HIPK2: variants seen among roughly 807,000 people sequenced by gnomAD.
The protein encoded by HIPK2 is homeodomain interacting protein kinase 2, also known as homeodomain-interacting protein kinase 2.
In HIPK2, 27 loss-of-function variants were observed where a neutral mutation model predicts 113.7. The observed-to-expected ratio is 0.24, with a 90% CI of 0.17 to 0.33. HIPK2 has a LOEUF of 0.33. HIPK2 is among the 10% of genes least tolerant of loss of function. The pLI is 1.00. For synonymous variants in HIPK2, 631 were observed against 642.2 expected, an observed-to-expected ratio of 0.98 and a Z score of 0.26; for missense variants, 1,257 against 1,588.0, an observed-to-expected ratio of 0.79 and a Z score of 3.54.
chr7:139,681,240 G>C (rs1040428172), intron 2 of HIPK2, among the ~76,000 whole-genome samples: 2 of 152,130 alleles, frequency 1.3e-5, no homozygotes, highest in African/African-American at 4.8e-5. Flanking sequence ...CCTGCTTTTA[G>C]CTTTTCATTC....
chr7:139,690,716 G>GCC (rs1272650098), intron 2 of HIPK2, among the ~76,000 whole-genome samples: 1 of 152,080 alleles, frequency 6.6e-6, no homozygotes, highest in Non-Finnish European at 1.5e-5. Context: ...GCACTCCCCT[G>GCC]CCCCCGCCTT....
chr7:139,756,734 T>C lies in HIPK2; in HGVS notation c.19+20871A>G, dbSNP rs1425559050. 2.6e-5 allele frequency among the ~76,000 whole-genome samples: 4 copies of C among 152,202 alleles called. No individual in the cohort carries two copies. In the East Asian group the frequency reaches 7.7e-4, roughly 29 times the overall value. ...GCCACCGCATCCAGTCAGACTTTATTTTTGTAGAGCAGTTTTAGTCTCACA... is the reference window on the plus strand; with the variant it reads ...GCCACCGCATCCAGTCAGACTTTATCTTTGTAGAGCAGTTTTAGTCTCACA... On this transcript the variant is annotated intron_variant, in intron 1 of 14. Transcript: ENST00000406875.
At chr7:139,639,898 G>GT (rs1198591764) in intron 2 of HIPK2, among the ~76,000 whole-genome samples, 8 of 152,218 alleles carry the variant, frequency 5.3e-5, no homozygotes, top group Middle Eastern at 3.4e-3. Flanking sequence ...AGTTTACATG[G>GT]TTTTTTGGGT....
intron 2 of HIPK2, among the ~76,000 whole-genome samples, chr7:139,682,409 T>C (rs900686185): frequency 6.6e-6 from 1 of 151,974 alleles, no homozygotes; most frequent in African/African-American, 2.4e-5. Context: ...CAATGAGGGG[T>C]TGGAATGAAG....
chr7:139,722,037 C>T (rs147829433), intron 1 of HIPK2: 232 of 472,672 alleles, frequency 4.9e-4, no homozygotes, highest in African/African-American at 4.2e-3. Context: ...CATAAACAGG[C>T]TGAAGTCATA....
At chr7:139,756,195 T>C (rs1047722665) in intron 1 of HIPK2, among the ~76,000 whole-genome samples, 2 of 152,212 alleles carry the variant, frequency 1.3e-5, no homozygotes, top group Non-Finnish European at 2.9e-5. Context: ...TCCAATATTG[T>C]CAATCTCAAA....
intron 13 of HIPK2, among the ~76,000 whole-genome samples, chr7:139,582,348 G>A (rs1209921723): frequency 2.6e-5 from 4 of 152,188 alleles, no homozygotes; most frequent in Non-Finnish European, 5.9e-5. Flanking sequence ...TTTTCCTGAA[G>A]GTAAGGTCTC....
intron 6 of HIPK2, among the ~76,000 whole-genome samples, chr7:139,626,165 C>A (rs1038342933): frequency 6.6e-6 from 1 of 151,090 alleles, no homozygotes; most frequent in Non-Finnish European, 1.5e-5. Flanking sequence ...TGCAATGGCG[C>A]GATCTCGGCT....
intron 13 of HIPK2, among the ~76,000 whole-genome samples, chr7:139,582,275 G>C (rs192840312): frequency 1.3e-5 from 2 of 152,248 alleles, no homozygotes; most frequent in Non-Finnish European, 2.9e-5. Context: ...CTAGCAGCAA[G>C]TACAGCCTGG....
At chr7:139,595,838 T>C (rs1354579438) in intron 12 of HIPK2, among the ~76,000 whole-genome samples, 5 of 152,248 alleles carry the variant, frequency 3.3e-5, no homozygotes, top group African/African-American at 1.2e-4. Flanking sequence ...GAATTAATAA[T>C]TCGAGCCTAA....
chr7:139,596,633 T>G, intron 12 of HIPK2, 84 bp downstream of exon 12: 1 of 1,531,414 alleles, frequency 6.5e-7, no homozygotes, highest in Non-Finnish European at 8.9e-7. Flanking sequence ...GATCCTTATG[T>G]TTGATGATGG....
At chr7:139,696,666 T>C (rs1794577193) in intron 2 of HIPK2, among the ~76,000 whole-genome samples, 1 of 151,848 alleles carries the variant, frequency 6.6e-6, no homozygotes, top group Non-Finnish European at 1.5e-5. Context: ...CAAACCCAGA[T>C]ACTTTTCACT....
At chr7:139,686,771 C>A (rs558802986) in intron 2 of HIPK2, among the ~76,000 whole-genome samples, 3 of 152,322 alleles carry the variant, frequency 2.0e-5, no homozygotes, top group South Asian at 2.1e-4. Context: ...CAGACTAATA[C>A]AATATTCCAT....
Position 139,600,518 on chromosome 7 carries a change from TG to T in HIPK2, c.2333del (p.Pro778GlnfsTer6), listed in dbSNP as rs1569450529. The T allele has an allele frequency of 6.2e-7, 1 of 1,614,050 alleles. No individual in the cohort carries two copies. Among genetic ancestry groups the T allele is most frequent in the Non-Finnish European group, 8.5e-7 (1 of 1,179,904 alleles). On this transcript the variant is annotated frameshift_variant, in exon 11 of 15. Coordinates refer to ENST00000406875, the MANE Select transcript of HIPK2 (RefSeq NM_022740.5). LOFTEE classifies it high-confidence loss of function. The part of the protein sequence containing the change: ...PALLTGHVTL[P>X]AAQPLNVGVA... Reference sequence around the variant, plus strand: ...CACCCACATTTAAGGGCTGTGCTGCTGGAAGGGTCACATGACCGGTCAATAG... The same window carrying T: ...CACCCACATTTAAGGGCTGTGCTGCTGAAGGGTCACATGACCGGTCAATAG...
chr7:139,672,800 T>C (rs1802351145), intron 2 of HIPK2, among the ~76,000 whole-genome samples: 1 of 152,220 alleles, frequency 6.6e-6, no homozygotes, highest in African/African-American at 2.4e-5. Flanking sequence ...TTAATTAGAA[T>C]CACTGAACCA....
chr7:139,607,069 T>C lies in HIPK2; in HGVS notation c.2113-2846A>G, dbSNP rs1379530914. Among the ~76,000 whole-genome samples the C allele has an allele frequency of 2.0e-5, 3 of 152,180 alleles. No individual in the cohort carries two copies. The East Asian group carries it at 5.8e-4, about 29-fold the overall frequency. On this transcript the variant is annotated intron_variant, in intron 9 of 14. Transcript: ENST00000406875. ...TCTATATTCAGAGAACATGCTCTTTTTTGGTATGGAGGGAGCAGAGAACAA... is the reference window on the plus strand; with the variant it reads ...TCTATATTCAGAGAACATGCTCTTTCTTGGTATGGAGGGAGCAGAGAACAA...
At position 139,572,279 on chromosome 7, in the gene HIPK2, C is replaced by T. The variant is rs1042061016; in HGVS notation, c.*648G>A. 1.3e-5 allele frequency: 2 copies of T among 152,224 alleles called. No individual in the cohort carries two copies. Among genetic ancestry groups the T allele is most frequent in the African/African-American group, 4.8e-5 (2 of 41,468 alleles). The allele number at this position is 152,224 out of a possible 1,614,324, so 9.4% of individuals were successfully genotyped here. A position where few individuals can be genotyped will look rare whatever the true frequency, so the allele number is the denominator to read the frequency against. On this transcript the variant is annotated 3_prime_UTR_variant, in exon 15 of 15. Transcript: ENST00000406875. ...CCCCCGTCTTTCCTGACTAGGGAGC[C>T]CGGACTGGGCTTCGCCAATCCCACA...
chr7:139,607,871 A>T (rs1401204454), intron 9 of HIPK2, among the ~76,000 whole-genome samples: 1 of 152,116 alleles, frequency 6.6e-6, no homozygotes, highest in Non-Finnish European at 1.5e-5. Context: ...GGAAAAAAAA[A>T]TCCATAAAAA....
intron 1 of HIPK2, among the ~76,000 whole-genome samples, chr7:139,772,946 A>AC: frequency 6.6e-6 from 1 of 151,310 alleles, no homozygotes; most frequent in East Asian, 1.9e-4. Context: ...CTGCCACTAA[A>AC]AAAAAAAAGG....
Sources: allele counts gnomAD v4.1 joint callset (sites outside exome capture counted in the v4.1 genomes callset), GRCh38; gene constraint gnomAD v4.1.1; transcripts MANE v1.5; gene names NCBI Gene and HGNC (gene_info 2026-07-23, HGNC 2026-07-21).